The following BANP variants were observed in gnomAD, a reference collection of about 807,000 sequenced individuals.
The protein encoded by BANP is BTG3 associated nuclear protein.
In BANP, 11 loss-of-function variants were observed where a neutral mutation model predicts 68.1. That is an observed-to-expected ratio of 0.16 (90% CI 0.10 to 0.27). BANP has a LOEUF of 0.27. Ranked by LOEUF, BANP falls within the 10% of genes least tolerant of loss-of-function variation. The pLI, the probability that BANP is intolerant of heterozygous loss-of-function variation, is 1.00. For synonymous variants in BANP, 329 were observed against 303.2 expected (o/e 1.09, Z -0.88); for missense variants, 504 against 722.7 (o/e 0.70, Z 3.47).
intron 6 of BANP, among the ~76,000 whole-genome samples, chr16:88,015,474 T>C (rs1331748114): frequency 1.3e-5 from 2 of 152,240 alleles, no homozygotes; most frequent in Non-Finnish European, 2.9e-5. Context: ...TGTTCCCTGC[T>C]CTGGCCACGC....
intron 11 of BANP, among the ~76,000 whole-genome samples, chr16:88,044,040 G>T (rs553684304): frequency 1.3e-5 from 2 of 152,338 alleles, no homozygotes; most frequent in East Asian, 3.9e-4. Context: ...CCACTTCAGG[G>T]GGCTGGCAGG....
At chr16:88,035,434 C>T (rs774387733) in intron 10 of BANP, 40 bp downstream of exon 10, 26 of 1,534,592 alleles carry the variant, frequency 1.7e-5, no homozygotes, top group Admixed American at 1.6e-4. Flanking sequence ...CTGCAGGCAC[C>T]GTGCCCACAT....
In BANP at chr16:88,046,458, T is replaced by G. The variant is rs1395907597; in HGVS notation, c.1311+8447T>G. 5.9e-5 allele frequency among the ~76,000 whole-genome samples: 9 copies of G among 152,368 alleles called. No homozygotes were observed. In the East Asian group the frequency reaches 1.7e-3, roughly 29 times the overall value. On this transcript the variant is annotated intron_variant, in intron 11 of 13. Coordinates refer to ENST00000682872, the MANE Select transcript of BANP (RefSeq NM_001386991.1). ...TACTCAGCATAACGTGGACGTGCTC[T>G]AGTGATCTTAGGGAGCTGTGAGCTC...
At chr16:88,063,234 T>G (rs2087406236) in intron 11 of BANP, among the ~76,000 whole-genome samples, 1 of 152,218 alleles carries the variant, frequency 6.6e-6, no homozygotes, top group Non-Finnish European at 1.5e-5. Context: ...CCCGGTTCCC[T>G]TATTTCTAGG....
Position 88,071,359 on chromosome 16 carries a change from TTGAG to T in BANP, c.1378-707_1378-704del. The T allele has an allele frequency of 2.5e-6, 1 of 397,698 alleles. No homozygotes were observed. The highest frequency in any genetic ancestry group is 1.9e-5 in the South Asian group (1 of 53,984). 24.6% of individuals were successfully genotyped at this position (397,698 alleles called of 1,614,324 possible). ...CCTGGATGTTGGAGCGCCCAGTGGA[TTGAG>T]TGGGAAGTGGGCCTGGGTGCTTACA... is the stretch of plus-strand genomic sequence containing the variant. On this transcript the variant is annotated intron_variant, in intron 12 of 13. Transcript: ENST00000682872. This position sits in a 1 kb window ranked among gnomAD's most constrained non-coding sequence, Gnocchi z 6.5.
At chr16:87,971,407 T>G (rs2061097679) in intron 1 of BANP, among the ~76,000 whole-genome samples, 2 of 152,242 alleles carry the variant, frequency 1.3e-5, no homozygotes, top group African/African-American at 4.8e-5. Context: ...CTCTGAGGAC[T>G]GGATGCTGCC....
chr16:88,006,370 G>C (rs950896937), intron 6 of BANP, 105 bp downstream of exon 6: 8 of 1,356,738 alleles, frequency 5.9e-6, no homozygotes, highest in Non-Finnish European at 7.9e-6. Context: ...ACAGTGGCCA[G>C]GCGCGGTGGC....
At position 88,076,870 on chromosome 16, in the gene BANP, C is replaced by G. The variant is rs552432138; in HGVS notation, c.*209C>G. 41 of 559,956 alleles carry G rather than the reference C, an allele frequency of 7.3e-5. No homozygotes were observed. Among genetic ancestry groups the G allele is most frequent in the South Asian group, 6.7e-4 (29 of 43,522 alleles). The allele number at this position is 559,956 out of a possible 1,614,324, so 34.7% of individuals were successfully genotyped here. The stretch of plus-strand genomic sequence containing the variant: ...AGCCGGAGACCCCTTTCGTTTGAGT[C>G]CTGCTGTTGGTGTCGGAGCACGAGG... On this transcript the variant is annotated 3_prime_UTR_variant, in exon 14 of 14. Coordinates refer to ENST00000682872, the MANE Select transcript of BANP (RefSeq NM_001386991.1).
At chr16:87,973,629 C>T (rs2061499903) in intron 1 of BANP, among the ~76,000 whole-genome samples, 1 of 151,930 alleles carries the variant, frequency 6.6e-6, no homozygotes, top group African/African-American at 2.4e-5. Flanking sequence ...TGTGGTGGCG[C>T]ATGCCTGTAA....
intron 4 of BANP, among the ~76,000 whole-genome samples, chr16:87,995,575 T>A (rs2066967435): frequency 6.6e-6 from 1 of 152,250 alleles, no homozygotes; most frequent in Non-Finnish European, 1.5e-5. Context: ...TTTTCTAACC[T>A]GCACTTGATG....
Position 88,032,404 on chromosome 16 carries a change from G to T in BANP, c.1064-705G>T, listed in dbSNP as rs189102576. Among the ~76,000 whole-genome samples, 992 of 152,170 alleles carry T rather than the reference G, an allele frequency of 6.5e-3. 7 individuals carry two copies. The highest frequency in any genetic ancestry group is 0.022 in the African/African-American group (915 of 41,514). On this transcript the variant is annotated intron_variant, in intron 8 of 13. Transcript: ENST00000682872. ...TTTAGTAGAGATGGGGTTTCACCATGTTGGCCAGGCTGGTCTTGAACTCGT... is the reference window on the plus strand; with the variant it reads ...TTTAGTAGAGATGGGGTTTCACCATTTTGGCCAGGCTGGTCTTGAACTCGT...
Position 87,957,004 on chromosome 16 carries a change from A to C in BANP, c.-69+5489A>C, listed in dbSNP as rs1337312752. 2 of 152,214 alleles carry C rather than the reference A, an allele frequency of 1.3e-5. 1 individual carries two copies. The highest frequency in any genetic ancestry group is 6.3e-3 in the Middle Eastern group (2 of 316). The allele number at this position is 152,214 out of a possible 1,614,324, so 9.4% of individuals were successfully genotyped here. A position where few individuals can be genotyped will look rare whatever the true frequency, so the allele number is the denominator to read the frequency against. On this transcript the variant is annotated intron_variant, in intron 1 of 13. Coordinates refer to ENST00000682872, the MANE Select transcript of BANP (RefSeq NM_001386991.1). This position sits in a 1 kb window ranked among gnomAD's most constrained non-coding sequence, Gnocchi z 4.3. ...AAATGTGCAGGAAGTGTTAACTCCT[A>C]AGCTGCCAGCAGATGGTGTGCCGAG... is the stretch of plus-strand genomic sequence containing the variant.
intron 1 of BANP, among the ~76,000 whole-genome samples, chr16:87,954,649 C>T (rs72631404): frequency 0.25 from 37,487 of 152,178 alleles, 5,165 homozygotes; most frequent in East Asian, 0.49. Context: ...TGTGCGGGAC[C>T]GACTTGGCAG....
intron 1 of BANP, among the ~76,000 whole-genome samples, chr16:87,971,526 G>A (rs11640331): frequency 0.35 from 52,503 of 150,680 alleles, 10,421 homozygotes; most frequent in Non-Finnish European, 0.47. Context: ...GAGTTTGATA[G>A]TTAATTTTCT....
intron 1 of BANP, among the ~76,000 whole-genome samples, chr16:87,954,263 G>A (rs1468504239): frequency 6.6e-6 from 1 of 152,086 alleles, no homozygotes; most frequent in African/African-American, 2.4e-5. Flanking sequence ...GCATGTATTT[G>A]TCTTGTTTCT....
chr16:87,972,062 G>A (rs1436697686), intron 1 of BANP, among the ~76,000 whole-genome samples: 1 of 152,106 alleles, frequency 6.6e-6, no homozygotes. Flanking sequence ...CAAAGTATTG[G>A]GATTACAGGC....
chr16:87,974,392 A>G (rs1352979771), intron 1 of BANP, among the ~76,000 whole-genome samples: 1 of 152,196 alleles, frequency 6.6e-6, no homozygotes, highest in East Asian at 1.9e-4. Flanking sequence ...TGGACAGCAC[A>G]GTTGTGGACA....
chr16:88,026,605 A>G (rs2077040072), intron 7 of BANP, among the ~76,000 whole-genome samples: 1 of 151,372 alleles, frequency 6.6e-6, no homozygotes, highest in Non-Finnish European at 1.5e-5. Context: ...AACTGTGTTT[A>G]CCAGGGGAAC....
intron 3 of BANP, among the ~76,000 whole-genome samples, chr16:87,982,338 A>G (rs142431730): frequency 1.0e-3 from 152 of 152,268 alleles, no homozygotes; most frequent in African/African-American, 3.5e-3. Flanking sequence ...TTATTGGTAT[A>G]TAAGAGTGAT....
Sources: allele counts gnomAD v4.1 joint callset (sites outside exome capture counted in the v4.1 genomes callset), GRCh38; gene constraint gnomAD v4.1.1; non-coding constraint Gnocchi (gnomAD v3.1); transcripts MANE v1.5; gene names NCBI Gene and HGNC (gene_info 2026-07-23, HGNC 2026-07-21).